ATP8A2: variants seen among roughly 807,000 people sequenced by gnomAD.
The protein encoded by ATP8A2 is ATPase phospholipid transporting 8A2, also known as phospholipid-transporting ATPase IB.
ATP8A2 carries 100 observed loss-of-function variants against 165.6 expected under a neutral mutation model. That is an observed-to-expected ratio of 0.60 (90% CI 0.51 to 0.71). ATP8A2 has a LOEUF of 0.71. Ranked by LOEUF, ATP8A2 falls within the 30% of genes least tolerant of loss-of-function variation. The pLI is 0.00. For synonymous variants in ATP8A2, 543 were observed against 548.8 expected, an observed-to-expected ratio of 0.99 and a Z score of 0.15; for missense variants, 1,227 against 1,479.5, an observed-to-expected ratio of 0.83 and a Z score of 2.80.
intron 1 of ATP8A2, among the ~76,000 whole-genome samples, chr13:25,415,861 G>A (rs1165488615): frequency 6.6e-6 from 1 of 151,950 alleles, no homozygotes; most frequent in African/African-American, 2.4e-5. Context: ...ACAGGATCTT[G>A]CTCTGCCACC....
At chr13:25,913,779 T>G (rs1281257705) in intron 33 of ATP8A2, among the ~76,000 whole-genome samples, 2 of 152,236 alleles carry the variant, frequency 1.3e-5, no homozygotes. Context: ...ATTAGTATAG[T>G]GTACAAAGTC....
chr13:25,512,679 G>A (rs1418568797), intron 2 of ATP8A2, among the ~76,000 whole-genome samples: 24 of 145,342 alleles, frequency 1.7e-4, no homozygotes, highest in African/African-American at 5.4e-4. Context: ...CTGGCCGGGC[G>A]GGGGGCTGAC....
chr13:25,638,110 T>A (rs2041418817), intron 24 of ATP8A2, among the ~76,000 whole-genome samples: 1 of 152,080 alleles, frequency 6.6e-6, no homozygotes, highest in African/African-American at 2.4e-5. Flanking sequence ...CATCTGTATG[T>A]CACCATCATC....
chr13:25,535,621 C>A (rs974286708), intron 6 of ATP8A2, among the ~76,000 whole-genome samples: 1 of 152,134 alleles, frequency 6.6e-6, no homozygotes, highest in African/African-American at 2.4e-5. Flanking sequence ...CAAGATCAGC[C>A]TGGGCAACAT....
intron 24 of ATP8A2, among the ~76,000 whole-genome samples, chr13:25,696,897 C>T (rs371795816): frequency 6.6e-6 from 1 of 152,132 alleles, no homozygotes; most frequent in Non-Finnish European, 1.5e-5. Flanking sequence ...ACATGGTGCA[C>T]CATGCTTTTG....
chr13:25,655,309 G>A (rs1292143586), intron 24 of ATP8A2, among the ~76,000 whole-genome samples: 2 of 152,122 alleles, frequency 1.3e-5, no homozygotes, highest in East Asian at 3.9e-4. Context: ...ACAGGCATCT[G>A]CCACCACGCC....
intron 25 of ATP8A2, among the ~76,000 whole-genome samples, chr13:25,741,657 A>G (rs966908537): frequency 6.6e-6 from 1 of 152,062 alleles, no homozygotes; most frequent in African/African-American, 2.4e-5. Flanking sequence ...GATTACAGGC[A>G]TGAGCCACCA....
chr13:25,800,862 A>G (rs944764092), intron 27 of ATP8A2, among the ~76,000 whole-genome samples: 1 of 152,156 alleles, frequency 6.6e-6, no homozygotes, highest in Non-Finnish European at 1.5e-5. Flanking sequence ...AAAAGGGCTT[A>G]TGATCCTAAG....
Position 25,575,208 on chromosome 13 carries a change from A to T in ATP8A2, c.1712+351A>T, listed in dbSNP as rs79884606. Among the ~76,000 whole-genome samples, 949 of 152,288 alleles carry T rather than the reference A, an allele frequency of 6.2e-3. 11 individuals carry two copies. Among genetic ancestry groups the T allele is most frequent in the African/African-American group, 0.021 (893 of 41,564 alleles). On this transcript the variant is annotated intron_variant, in intron 19 of 36. Coordinates refer to ENST00000381655, the MANE Select transcript of ATP8A2 (RefSeq NM_016529.6). ...TCATTGGCGTTTCCCAAGTCCCATG[A>T]GGTCATTCCTCTTGCTCCATTTGAG...
intron 35 of ATP8A2, among the ~76,000 whole-genome samples, chr13:25,985,219 G>A (rs1420083142): frequency 6.6e-6 from 1 of 152,140 alleles, no homozygotes; most frequent in Non-Finnish European, 1.5e-5. Context: ...ATGGAAAAGA[G>A]AATAGAACTA....
intron 30 of ATP8A2, among the ~76,000 whole-genome samples, chr13:25,851,018 G>A (rs1288822381): frequency 4.6e-5 from 7 of 152,162 alleles, no homozygotes; most frequent in Admixed American, 3.9e-4. Context: ...CTTTTCAGAG[G>A]CTCTTGGCAA....
At chr13:25,494,346 C>T (rs747520098) in intron 2 of ATP8A2, among the ~76,000 whole-genome samples, 29 of 152,200 alleles carry the variant, frequency 1.9e-4, no homozygotes, top group African/African-American at 5.8e-4. Flanking sequence ...CCAAGGTGGG[C>T]GGTGGGGGTA....
intron 35 of ATP8A2, among the ~76,000 whole-genome samples, chr13:25,999,955 A>G (rs1378682960): frequency 6.6e-6 from 1 of 152,234 alleles, no homozygotes; most frequent in Non-Finnish European, 1.5e-5. Context: ...CCTTCATTAC[A>G]TAAGTGTCTT....
intron 1 of ATP8A2, 109 bp from the exon 2 acceptor site, chr13:25,468,867 GA>G: frequency 6.5e-7 from 1 of 1,530,360 alleles, no homozygotes; most frequent in Non-Finnish European, 8.8e-7. Flanking sequence ...CGCCTCACCC[GA>G]GCATCCTTCC....
chr13:25,468,870 C>T, intron 1 of ATP8A2, 107 bp from the exon 2 acceptor site: 2 of 1,535,786 alleles, frequency 1.3e-6, no homozygotes, highest in Non-Finnish European at 8.8e-7. Context: ...CTCACCCGAG[C>T]ATCCTTCCCC....
At chr13:25,597,182 G>T (rs1360020726) in intron 24 of ATP8A2, among the ~76,000 whole-genome samples, 2 of 152,038 alleles carry the variant, frequency 1.3e-5, no homozygotes, top group African/African-American at 4.8e-5. Context: ...ATAGATGTCT[G>T]TTGCAAATTT....
chr13:25,498,390 T>C (rs1204037733), intron 2 of ATP8A2, among the ~76,000 whole-genome samples: 2 of 152,208 alleles, frequency 1.3e-5, no homozygotes, highest in Non-Finnish European at 2.9e-5. Context: ...CTCGAGTCCT[T>C]CCATGATCAC....
intron 24 of ATP8A2, among the ~76,000 whole-genome samples, chr13:25,619,915 G>A (rs183217930): frequency 1.3e-5 from 2 of 152,270 alleles, no homozygotes; most frequent in East Asian, 3.9e-4. Flanking sequence ...TTGGCCCACG[G>A]GCCGTAGTTT....
rs1361912132 is a variant in ATP8A2, at chr13:25,837,263, A to G, written c.2855A>G (p.Asn952Ser). The G allele has an allele frequency of 6.2e-7, 1 of 1,614,126 alleles. No homozygotes were observed. Among genetic ancestry groups the G allele is most frequent in the Admixed American group, 1.7e-5 (1 of 60,014 alleles). ...CCCCAGCTCTACAAAATCACCCAGAATGGCGAAGGCTTCAACACAAAGGTA... is the reference window on the plus strand; with the variant it reads ...CCCCAGCTCTACAAAATCACCCAGAGTGGCGAAGGCTTCAACACAAAGGTA... Reference protein sequence around the residue: ...RFPQLYKITQNGEGFNTKVFW... With the variant: ...RFPQLYKITQSGEGFNTKVFW... The change falls in exon 29 of 37, where the codon AAT (asparagine) becomes AGT (serine). Residue 952 changes from asparagine (N) to serine (S), a missense_variant. Around this residue, in one of 5 missense-constraint regions of ATP8A2, gnomAD observed 592 missense variants for 785.6 expected, o/e 0.75. Coordinates refer to ENST00000381655, the MANE Select transcript of ATP8A2 (RefSeq NM_016529.6).
Sources: allele counts gnomAD v4.1 joint callset (sites outside exome capture counted in the v4.1 genomes callset), GRCh38; gene constraint gnomAD v4.1.1; regional missense constraint gnomAD v4.1.1; transcripts MANE v1.5; gene names NCBI Gene and HGNC (gene_info 2026-07-23, HGNC 2026-07-21).